RBFOX1: variants seen among roughly 807,000 people sequenced by gnomAD.
The protein encoded by RBFOX1 is RNA binding fox-1 homolog 1, also known as RNA binding protein fox-1 homolog 1.
A neutral mutation model predicts 57.7 loss-of-function variants in RBFOX1; 8 were observed. The ratio of observed to expected loss-of-function variants is 0.14; its 90% CI spans 0.08 to 0.25. RBFOX1 has a LOEUF of 0.25. RBFOX1 is among the 10% of genes least tolerant of loss of function. RBFOX1 has a pLI of 1.00. For missense variants in RBFOX1, 611 were observed against 548.5 expected (o/e 1.11, Z -1.14); for synonymous variants, 326 against 222.4 (o/e 1.47, Z -4.15).
At chr16:6,341,269 G>A (rs1451396550) in intron 2 of RBFOX1, among the ~76,000 whole-genome samples, 1 of 152,090 alleles carries the variant, frequency 6.6e-6, no homozygotes, top group African/African-American at 2.4e-5. Context: ...TCCTTGGCTT[G>A]TGGCGTCCTT....
intron 3 of RBFOX1, among the ~76,000 whole-genome samples, chr16:5,690,521 C>G (rs1247365306): frequency 1.3e-5 from 2 of 152,024 alleles, no homozygotes; most frequent in Non-Finnish European, 2.9e-5. Flanking sequence ...GATGGAGGCA[C>G]TCAGTCCATA....
chr16:6,008,198 G>C (rs553395447), intron 4 of RBFOX1, among the ~76,000 whole-genome samples: 1 of 149,840 alleles, frequency 6.7e-6, no homozygotes, highest in Non-Finnish European at 1.5e-5. Flanking sequence ...TAGTGAAACT[G>C]TATCCCCCCC....
intron 3 of RBFOX1, among the ~76,000 whole-genome samples, chr16:6,880,551 C>G (rs940174055): frequency 1.3e-5 from 2 of 152,252 alleles, no homozygotes; most frequent in East Asian, 1.9e-4. Context: ...CAGCTTCAGA[C>G]ACGTGAACTC....
rs1371563991 is a variant in RBFOX1 at position 6,657,010 on chromosome 16, CTCCTCCCCTTTCCTCTCCTG to C, written c.-16+2380_-16+2399del. On this transcript the variant is annotated intron_variant, in intron 3 of 15. Transcript: ENST00000550418. ...CTCCTCTCCTCCCCTTTCCTCTCCT[CTCCTCCCCTTTCCTCTCCTG>C]TCCTCCCCTTTCCTCTCCTCTCCTC... Among the ~76,000 whole-genome samples the C allele has an allele frequency of 3.6e-3, 386 of 107,616 alleles. 50 individuals are homozygous for C. Among genetic ancestry groups the C allele is most frequent in the East Asian group, 0.011 (32 of 2,802 alleles). 70.6% of individuals were successfully genotyped at this position (107,616 alleles called of 152,430 possible).
chr16:7,418,236 T>C (rs1241483250), intron 4 of RBFOX1, among the ~76,000 whole-genome samples: 1 of 152,212 alleles, frequency 6.6e-6, no homozygotes, highest in African/African-American at 2.4e-5. Context: ...TAAAAAGTTA[T>C]TGCAGAAGAG....
chr16:6,556,156 C>T (rs866637459), intron 2 of RBFOX1, among the ~76,000 whole-genome samples: 5 of 151,996 alleles, frequency 3.3e-5, no homozygotes, highest in Middle Eastern at 3.2e-3. Context: ...AGTAATAAAC[C>T]CTGTCTTTAT....
At chr16:6,234,635 G>A (rs186052083) in intron 1 of RBFOX1, among the ~76,000 whole-genome samples, 8 of 152,252 alleles carry the variant, frequency 5.3e-5, no homozygotes, top group Non-Finnish European at 1.0e-4. Context: ...GTTTTTATCT[G>A]GGTGACTCAG....
In RBFOX1 at chr16:7,264,936, A is replaced by G. The variant is rs757541976; in HGVS notation, c.27+212838A>G. On this transcript the variant is annotated intron_variant, in intron 4 of 15. Transcript: ENST00000550418. ...GAAAGATCCATCAGGCCAAGAGTCC[A>G]ACACTTTCCATCTTCCATGACTCAA... is the stretch of plus-strand genomic sequence containing the variant. 3.9e-5 allele frequency among the ~76,000 whole-genome samples: 6 copies of G among 152,338 alleles called. No individual in the cohort carries two copies. In the South Asian group the frequency reaches 1.0e-3, roughly 26 times the overall value.
intron 5 of RBFOX1, among the ~76,000 whole-genome samples, chr16:7,571,247 C>T (rs1406781636): frequency 1.3e-5 from 2 of 152,232 alleles, no homozygotes; most frequent in Non-Finnish European, 2.9e-5. Context: ...TCTGTACCCA[C>T]TTACCTGGTC....
intron 3 of RBFOX1, among the ~76,000 whole-genome samples, chr16:6,740,740 G>A (rs1049852186): frequency 6.6e-6 from 1 of 152,162 alleles, no homozygotes; most frequent in African/African-American, 2.4e-5. Context: ...AGATGGAAAA[G>A]CACAGTGTGT....
intron 1 of RBFOX1, among the ~76,000 whole-genome samples, chr16:5,245,062 G>T (rs1002072497): frequency 2.0e-5 from 3 of 152,176 alleles, no homozygotes; most frequent in African/African-American, 4.8e-5. Context: ...CATTAAGGTG[G>T]TCATTTTTCT....
chr16:5,431,029 G>A (rs1437879584), intron 1 of RBFOX1, among the ~76,000 whole-genome samples: 1 of 152,190 alleles, frequency 6.6e-6, no homozygotes, highest in African/African-American at 2.4e-5. Flanking sequence ...GATGGCAGGA[G>A]CCTACTGAGA....
chr16:6,968,691 A>C (rs1314457891), intron 3 of RBFOX1, among the ~76,000 whole-genome samples: 1 of 152,126 alleles, frequency 6.6e-6, no homozygotes, highest in Non-Finnish European at 1.5e-5. Context: ...CCTCCCATCG[A>C]GTACACATAC....
chr16:7,078,528 A>C (rs1284987232), intron 4 of RBFOX1, among the ~76,000 whole-genome samples: 1 of 150,920 alleles, frequency 6.6e-6, no homozygotes, highest in African/African-American at 2.4e-5. Context: ...TTGTATTTTT[A>C]GGAGAGTCAG....
Position 7,142,263 on chromosome 16 carries a change from A to G in RBFOX1, c.27+90165A>G, listed in dbSNP as rs372245970. ...GGCCTTGATCTGCTGAGCTCAAGCA[A>G]TCTTCCCACCTCAGCCTTCCAAAGT... On this transcript the variant is annotated intron_variant, in intron 4 of 15. Coordinates refer to ENST00000550418, the MANE Select transcript of RBFOX1 (RefSeq NM_018723.4). Among the ~76,000 whole-genome samples, 16 of 152,218 alleles carry G rather than the reference A, an allele frequency of 1.1e-4. No homozygotes were observed. The East Asian group carries it at 1.4e-3, about 13-fold the overall frequency.
At chr16:6,903,194 A>G (rs1465760116) in intron 3 of RBFOX1, among the ~76,000 whole-genome samples, 1 of 152,166 alleles carries the variant, frequency 6.6e-6, no homozygotes, top group Non-Finnish European at 1.5e-5. Context: ...CCATATACAA[A>G]GATCTGGGGG....
Position 7,287,300 on chromosome 16 carries a change from G to C in RBFOX1, c.28-230847G>C, listed in dbSNP as rs144148041. Among the ~76,000 whole-genome samples, 462 of 152,286 alleles carry C rather than the reference G, an allele frequency of 3.0e-3. 1 individual carries two copies. Among genetic ancestry groups the C allele is most frequent in the African/African-American group, 0.011 (440 of 41,564 alleles). ...CCGACAAAGATGCCACCAGAATGATGAGCTGTCACACAGGACCTGGAGAGA... is the reference window on the plus strand; with the variant it reads ...CCGACAAAGATGCCACCAGAATGATCAGCTGTCACACAGGACCTGGAGAGA... On this transcript the variant is annotated intron_variant, in intron 4 of 15. Transcript: ENST00000550418.
At chr16:5,783,104 G>A (rs531699115) in intron 3 of RBFOX1, among the ~76,000 whole-genome samples, 2 of 152,280 alleles carry the variant, frequency 1.3e-5, no homozygotes, top group South Asian at 4.1e-4. Flanking sequence ...AGACAGATAA[G>A]ATTAACTGTC....
At chr16:7,052,162 C>A in intron 4 of RBFOX1, 64 bp downstream of exon 4, 1 of 1,564,502 alleles carries the variant, frequency 6.4e-7, no homozygotes, top group Non-Finnish European at 8.6e-7. Context: ...CAAAAATTTC[C>A]TTGTCTCTCC....
Sources: allele counts gnomAD v4.1 joint callset (sites outside exome capture counted in the v4.1 genomes callset), GRCh38; gene constraint gnomAD v4.1.1; transcripts MANE v1.5; gene names NCBI Gene and HGNC (gene_info 2026-07-23, HGNC 2026-07-21).